Variants in CAMK2D observed in about 807,000 individuals in gnomAD.
CAMK2D encodes the protein calcium/calmodulin-dependent protein kinase type II subunit delta.
A neutral mutation model predicts 84.0 loss-of-function variants in CAMK2D; 37 were observed. The observed-to-expected ratio is 0.44, with a 90% CI of 0.34 to 0.58. The LOEUF is 0.58. Ranked by LOEUF, CAMK2D falls within the 20% of genes least tolerant of loss-of-function variation. The pLI, the probability that CAMK2D is intolerant of heterozygous loss-of-function variation, is 0.02. For synonymous variants in CAMK2D, 202 were observed against 212.5 expected, an observed-to-expected ratio of 0.95 and a Z score of 0.43; for missense variants, 448 against 652.5, an observed-to-expected ratio of 0.69 and a Z score of 3.41.
intron 2 of CAMK2D, among the ~76,000 whole-genome samples, chr4:113,727,264 C>T (rs1240660165): frequency 1.3e-5 from 2 of 151,988 alleles, no homozygotes; most frequent in African/African-American, 4.8e-5. Flanking sequence ...GAAAGAAGCT[C>T]GGATAGATAA....
At position 113,578,505 on chromosome 4, in the gene CAMK2D, C is replaced by A. The variant is rs1041861447; in HGVS notation, c.276-26409G>T. 3.3e-5 allele frequency among the ~76,000 whole-genome samples: 5 copies of A among 152,230 alleles called. No homozygotes were observed. The East Asian group carries it at 9.6e-4, about 29-fold the overall frequency. On this transcript the variant is annotated intron_variant, in intron 4 of 20. Transcript: ENST00000511664. Reference sequence around the variant, plus strand: ...TTTCAAGTGTATTGCTTTAAGTTATCCCTCATTCCCTATTGGGTTCATATC... The same window carrying A: ...TTTCAAGTGTATTGCTTTAAGTTATACCTCATTCCCTATTGGGTTCATATC...
intron 8 of CAMK2D, among the ~76,000 whole-genome samples, chr4:113,525,132 A>G (rs2098406439): frequency 6.6e-6 from 1 of 152,196 alleles, no homozygotes; most frequent in Admixed American, 6.5e-5. Context: ...AATTCACCAC[A>G]CAAGAAAAGA....
chr4:113,512,994 G>C (rs1211708215), intron 12 of CAMK2D, among the ~76,000 whole-genome samples: 7 of 152,218 alleles, frequency 4.6e-5, no homozygotes, highest in Admixed American at 4.6e-4. Flanking sequence ...TTGAAACGCT[G>C]AGATCGTAAA....
intron 6 of CAMK2D, among the ~76,000 whole-genome samples, chr4:113,541,136 A>C (rs1315331116): frequency 1.3e-5 from 2 of 152,358 alleles, no homozygotes; most frequent in African/African-American, 4.8e-5. Flanking sequence ...CTCAAAGTAC[A>C]TAGGCAGGTT....
chr4:113,751,732 T>C (rs540789808), intron 2 of CAMK2D, among the ~76,000 whole-genome samples: 1 of 152,236 alleles, frequency 6.6e-6, no homozygotes, highest in South Asian at 2.1e-4. Context: ...ATAGCACCAC[T>C]GCACTCCAGC....
At chr4:113,524,671 T>C (rs956637556) in intron 8 of CAMK2D, among the ~76,000 whole-genome samples, 2 of 152,208 alleles carry the variant, frequency 1.3e-5, no homozygotes, top group African/African-American at 4.8e-5. Flanking sequence ...GTGGGATTGC[T>C]GCATCCTGTG....
intron 2 of CAMK2D, among the ~76,000 whole-genome samples, chr4:113,743,728 G>A (rs904305294): frequency 2.0e-5 from 3 of 151,840 alleles, no homozygotes; most frequent in East Asian, 3.9e-4. Flanking sequence ...CTCTTCCTTA[G>A]TCTTTTTCCT....
At chr4:113,677,621 GC>G in intron 2 of CAMK2D, 1 of 720,184 alleles carries the variant, frequency 1.4e-6, no homozygotes, top group Non-Finnish European at 1.7e-6. Flanking sequence ...AAATAAGAAG[GC>G]CCATGTCAGT....
intron 16 of CAMK2D, 64 bp downstream of exon 16, chr4:113,500,398 CT>C (rs200061432): frequency 0.013 from 11,894 of 947,476 alleles, 93 homozygotes; most frequent in South Asian, 0.016. Context: ...ATTTGAAGCA[CT>C]TTTTTTTTCA....
At chr4:113,742,275 TA>T (rs1289455823) in intron 2 of CAMK2D, among the ~76,000 whole-genome samples, 1 of 152,172 alleles carries the variant, frequency 6.6e-6, no homozygotes, top group African/African-American at 2.4e-5. Flanking sequence ...AGTTTCAGCA[TA>T]AAAAATATCA....
At chr4:113,586,880 T>A (rs969175827) in intron 4 of CAMK2D, among the ~76,000 whole-genome samples, 1 of 152,150 alleles carries the variant, frequency 6.6e-6, no homozygotes, top group African/African-American at 2.4e-5. Flanking sequence ...AACAGGGTCA[T>A]GGAACAAGGA....
intron 16 of CAMK2D, among the ~76,000 whole-genome samples, chr4:113,494,974 A>C (rs569315385): frequency 1.1e-4 from 16 of 152,316 alleles, no homozygotes; most frequent in African/African-American, 3.8e-4. Context: ...TTCCCAAGTG[A>C]GGCAATGCCT....
At position 113,548,787 on chromosome 4, in the gene CAMK2D, T is replaced by C. The variant is rs143795112; in HGVS notation, c.342-1071A>G. On this transcript the variant is annotated intron_variant, in intron 5 of 20. Coordinates refer to ENST00000511664, the MANE Select transcript of CAMK2D (RefSeq NM_001321571.2). ...AACATTTTAAAGGCACATAATCACA[T>C]TGAATATGAAATAAAATGAAAGTCC... The C allele has an allele frequency of 1.5e-4, 118 of 782,152 alleles. 1 individual carries two copies. The East Asian group carries it at 2.8e-3, about 19-fold the overall frequency. The allele number at this position is 782,152 out of a possible 1,614,324, so 48.5% of individuals were successfully genotyped here. A position where few individuals can be genotyped will look rare whatever the true frequency, so the allele number is the denominator to read the frequency against.
chr4:113,576,860 C>T (rs574839409), intron 4 of CAMK2D, among the ~76,000 whole-genome samples: 8 of 151,678 alleles, frequency 5.3e-5, no homozygotes, highest in African/African-American at 1.9e-4. Flanking sequence ...CCTTCTAATT[C>T]CCCTCCCTCA....
intron 16 of CAMK2D, among the ~76,000 whole-genome samples, chr4:113,494,927 C>G (rs1291000463): frequency 6.6e-6 from 1 of 152,216 alleles, no homozygotes; most frequent in Non-Finnish European, 1.5e-5. Context: ...TAACCCCTTT[C>G]TTTGACTCAG....
chr4:113,579,221 AG>A (rs2098797402), intron 4 of CAMK2D, among the ~76,000 whole-genome samples: 1 of 152,220 alleles, frequency 6.6e-6, no homozygotes, highest in South Asian at 2.1e-4. Flanking sequence ...ATTATAGTTG[AG>A]TCTTTGCTAA....
intron 3 of CAMK2D, among the ~76,000 whole-genome samples, chr4:113,611,177 C>G (rs1328970601): frequency 1.3e-5 from 2 of 152,016 alleles, no homozygotes; most frequent in Admixed American, 1.3e-4. Context: ...TCAGAGATGC[C>G]TGCTAGCCTT....
chr4:113,720,366 TCA>T (rs70961845), intron 2 of CAMK2D, among the ~76,000 whole-genome samples: 1,732 of 148,610 alleles, frequency 0.012, 34 homozygotes, highest in African/African-American at 0.036. Context: ...AATCACATTC[TCA>T]CACACACACA....
At chr4:113,672,797 G>A (rs1267923437) in intron 2 of CAMK2D, among the ~76,000 whole-genome samples, 1 of 151,736 alleles carries the variant, frequency 6.6e-6, no homozygotes, top group Non-Finnish European at 1.5e-5. Flanking sequence ...ACACATAAAT[G>A]AGGTTTAATG....
Sources: gnomAD v4.1 joint callset for allele counts (sites outside exome capture counted in the v4.1 genomes callset) on GRCh38, gnomAD v4.1.1 for gene constraint, MANE v1.5 for transcripts, NCBI Gene and HGNC (gene_info 2026-07-23, HGNC 2026-07-21) for gene names.